The following RPS6KB2 variants were observed in gnomAD, a reference collection of about 807,000 sequenced individuals.
The protein encoded by RPS6KB2 is ribosomal protein S6 kinase B2.
RPS6KB2 carries 51 observed loss-of-function variants against 58.2 expected under a neutral mutation model. The observed-to-expected ratio is 0.88, with a 90% CI of 0.70 to 1.11. The LOEUF (loss-of-function observed/expected upper bound fraction) is 1.11. RPS6KB2 is among the 50% of genes least tolerant of loss of function. RPS6KB2 has a pLI of 0.00. For missense variants in RPS6KB2, 671 were observed against 655.8 expected (o/e 1.02, Z -0.25); for synonymous variants, 293 against 258.6 (o/e 1.13, Z -1.28).
chr11:67,429,786 A>G, intron 4 of RPS6KB2, 191 bp downstream of exon 4: 1 of 585,698 alleles, frequency 1.7e-6, no homozygotes, highest in Non-Finnish European at 3.0e-6. Flanking sequence ...CTCCCAGCAG[A>G]CATTTGACAA....
chr11:67,433,901 C>T, intron 10 of RPS6KB2, 94 bp from the exon 11 acceptor site: 1 of 1,393,386 alleles, frequency 7.2e-7, no homozygotes, highest in African/African-American at 1.4e-5. Context: ...CATTCTCTCC[C>T]ATGTCACCTG....
Position 67,433,053 on chromosome 11 carries a change from C to T in RPS6KB2, c.707+11C>T, listed in dbSNP as rs1362708678. On this transcript the variant is annotated intron_variant, in intron 8 of 14. Coordinates refer to ENST00000312629, the MANE Select transcript of RPS6KB2 (RefSeq NM_003952.3). Reference sequence around the variant, plus strand: ...CACCATTGAGTACATGTAAGTGGCACCTGGCTGGCCCAGGGGTCGGGAGGA... The same window carrying T: ...CACCATTGAGTACATGTAAGTGGCATCTGGCTGGCCCAGGGGTCGGGAGGA... 2 of 1,613,114 alleles carry T rather than the reference C, an allele frequency of 1.2e-6. No homozygotes were observed. The highest frequency in any genetic ancestry group is 1.7e-6 in the Non-Finnish European group (2 of 1,179,946).
intron 1 of RPS6KB2, 116 bp downstream of exon 1, chr11:67,428,739 C>G: frequency 2.0e-6 from 2 of 1,024,532 alleles, no homozygotes; most frequent in Non-Finnish European, 2.9e-6. Flanking sequence ...AGACCCAGAT[C>G]CTTCTCAGAT....
At position 67,433,208 on chromosome 11, in the gene RPS6KB2, A is replaced by T. The variant is rs781586162; in HGVS notation, c.790A>T (p.Thr264Ser). The change falls in exon 9 of 15, where the codon ACT becomes TCT. Residue 264 changes from threonine to serine, a missense_variant. By Grantham distance (58) the Thr-to-Ser change is moderately conservative. Transcript: ENST00000312629. ...SLGALMYDMLTGSPPFTAENR... is the reference protein window; with the variant it reads ...SLGALMYDMLSGSPPFTAENR... ...GGGGGCCCTGATGTACGACATGCTCACTGGATCGGCAAGTCCAGCCCCCGG... is the reference window on the plus strand; with the variant it reads ...GGGGGCCCTGATGTACGACATGCTCTCTGGATCGGCAAGTCCAGCCCCCGG... The T allele has an allele frequency of 9.3e-6, 15 of 1,606,424 alleles. No homozygotes were observed. The South Asian group carries it at 1.3e-4, about 14-fold the overall frequency.
At chr11:67,431,229 C>T (rs1364022088) in intron 4 of RPS6KB2, 139 bp from the exon 5 acceptor site, 3 of 704,412 alleles carry the variant, frequency 4.3e-6, no homozygotes, top group African/African-American at 3.6e-5. Context: ...GGGGTTTCAC[C>T]ATGTTGGCCA....
At chr11:67,428,947 A>G in intron 1 of RPS6KB2, 35 bp from the exon 2 acceptor site, 2 of 1,613,276 alleles carry the variant, frequency 1.2e-6, no homozygotes, top group Non-Finnish European at 1.7e-6. Flanking sequence ...GTATCCTGGC[A>G]CCTTCCTTGG....
At chr11:67,428,812 T>G in intron 1 of RPS6KB2, 170 bp from the exon 2 acceptor site, 1 of 953,438 alleles carries the variant, frequency 1.0e-6, no homozygotes, top group Non-Finnish European at 1.7e-6. Context: ...ACCCCAGCCT[T>G]TTCTCCCGAT....
chr11:67,428,738 T>C (rs1863923758), intron 1 of RPS6KB2, 115 bp downstream of exon 1: 3 of 1,032,172 alleles, frequency 2.9e-6, no homozygotes, highest in Non-Finnish European at 4.3e-6. Flanking sequence ...CAGACCCAGA[T>C]CCTTCTCAGA....
chr11:67,434,150 G>C (rs200357791), intron 11 of RPS6KB2, 48 bp from the exon 12 acceptor site: 3 of 1,611,338 alleles, frequency 1.9e-6, no homozygotes, highest in Non-Finnish European at 2.5e-6. Flanking sequence ...TGACCGGGGG[G>C]CAAGCAGGGT....
At chr11:67,433,924 G>A (rs1864139840) in intron 10 of RPS6KB2, 71 bp from the exon 11 acceptor site, 3 of 1,559,174 alleles carry the variant, frequency 1.9e-6, no homozygotes, top group Non-Finnish European at 1.8e-6. Flanking sequence ...CCCTACTCCA[G>A]CTAGCCCTGG....
chr11:67,432,558 G>A, intron 5 of RPS6KB2, 42 bp from the exon 6 acceptor site: 3 of 1,611,052 alleles, frequency 1.9e-6, no homozygotes, highest in Non-Finnish European at 2.5e-6. Flanking sequence ...GCACAAAGGG[G>A]CTTGGACCCA....
chr11:67,434,445 T>C lies in RPS6KB2; in HGVS notation c.1116T>C (p.Asp372=), dbSNP rs765404601. The stretch of plus-strand genomic sequence containing the variant: ...GGCAGACGCCGGTGGACAGTCCTGA[T>C]GACACAGCCCTCAGCGAGAGTGCCA... ...FTRQTPVDSP[D]DTALSESANQ... Residue 372 remains aspartate (D), a synonymous_variant, in exon 13 of 15, where the codon GAT becomes GAC. Transcript: ENST00000312629. The C allele has an allele frequency of 1.2e-6, 2 of 1,613,022 alleles. No homozygotes were observed. Among genetic ancestry groups the C allele is most frequent in the South Asian group, 1.1e-5 (1 of 91,088 alleles).
rs757860684 is a variant in RPS6KB2 at position 67,432,785 on chromosome 11, G to A, written c.564G>A (p.Gln188=). 6.2e-7 allele frequency: 1 copy of A among 1,614,142 alleles called. No individual in the cohort carries two copies. Among genetic ancestry groups the A allele is most frequent in the Non-Finnish European group, 8.5e-7 (1 of 1,180,026 alleles). Residue 188 remains glutamine, a synonymous_variant, in exon 7 of 15, where the codon CAG becomes CAA. Coordinates refer to ENST00000312629, the MANE Select transcript of RPS6KB2 (RefSeq NM_003952.3). ...TGGCCCTGGGCCATCTCCACTCCCA[G>A]GGCATCATCTACCGGGACCTCAAGC... is the stretch of plus-strand genomic sequence containing the variant. ...ITLALGHLHS[Q]GIIYRDLKPE... is the part of the protein sequence containing the mutation.
intron 1 of RPS6KB2, 120 bp downstream of exon 1, chr11:67,428,743 C>T (rs368192580): frequency 2.0e-6 from 2 of 1,012,202 alleles, no homozygotes; most frequent in East Asian, 5.2e-5. Context: ...CCAGATCCTT[C>T]TCAGATCCCG....
At chr11:67,433,071 C>A (rs565308274) in intron 8 of RPS6KB2, 29 bp downstream of exon 8, 1 of 1,612,390 alleles carries the variant, frequency 6.2e-7, no homozygotes, top group South Asian at 1.1e-5. Flanking sequence ...GCCCAGGGGT[C>A]GGGAGGACAG....
chr11:67,433,704 A>G (rs914078350), intron 10 of RPS6KB2, among the ~76,000 whole-genome samples: 12 of 152,206 alleles, frequency 7.9e-5, no homozygotes, highest in Admixed American at 7.8e-4. Context: ...CACTTCCGTC[A>G]AAGGCGAGCA....
chr11:67,433,949 T>A, intron 10 of RPS6KB2, 46 bp from the exon 11 acceptor site: 3 of 1,609,010 alleles, frequency 1.9e-6, no homozygotes, highest in South Asian at 1.1e-5. Flanking sequence ...CGGGGACACA[T>A]GAGCAGTACT....
Position 67,435,336 on chromosome 11 carries a change from A to G in RPS6KB2, c.*167A>G. ...GCAGCTGTGCCCCTGAATCATGGGC[A>G]CGGAGGGCCGCCCGCCACGCCCCGC... On this transcript the variant is annotated 3_prime_UTR_variant, in exon 15 of 15. Coordinates refer to ENST00000312629, the MANE Select transcript of RPS6KB2 (RefSeq NM_003952.3). 7.0e-6 allele frequency: 5 copies of G among 713,432 alleles called. No homozygotes were observed. The highest frequency in any genetic ancestry group is 1.1e-5 in the Non-Finnish European group (5 of 445,604). 44.2% of individuals were successfully genotyped at this position (713,432 alleles called of 1,614,324 possible). A position where few individuals can be genotyped will look rare whatever the true frequency, so the allele number is the denominator to read the frequency against.
At position 67,433,975 on chromosome 11, in the gene RPS6KB2, C is replaced by G; in HGVS notation, c.907-20C>G. On this transcript the variant is annotated intron_variant, in intron 10 of 14. Coordinates refer to ENST00000312629, the MANE Select transcript of RPS6KB2 (RefSeq NM_003952.3). Reference sequence around the variant, plus strand: ...GAGCAGTACTTGCCCAGGCCCTCACCCTCTCTCCTGGTCCCGCAGTTTCTG... The same window carrying G: ...GAGCAGTACTTGCCCAGGCCCTCACGCTCTCTCCTGGTCCCGCAGTTTCTG... The G allele has an allele frequency of 6.2e-7, 1 of 1,614,066 alleles. No individual in the cohort carries two copies. Among genetic ancestry groups the G allele is most frequent in the Non-Finnish European group, 8.5e-7 (1 of 1,179,978 alleles).
Sources: allele counts gnomAD v4.1 joint callset (sites outside exome capture counted in the v4.1 genomes callset), GRCh38; gene constraint gnomAD v4.1.1; transcripts MANE v1.5; gene names NCBI Gene and HGNC (gene_info 2026-07-23, HGNC 2026-07-21).